The following TRAPPC13 variants were observed in gnomAD, a reference collection of about 807,000 sequenced individuals.
TRAPPC13 encodes REV7-interacting novel NHEJ regulator 1.
A neutral mutation model predicts 54.0 loss-of-function variants in TRAPPC13; 39 were observed. The ratio of observed to expected loss-of-function variants is 0.72; its 90% CI spans 0.56 to 0.94. The LOEUF (loss-of-function observed/expected upper bound fraction) is 0.94. Ranked by LOEUF, TRAPPC13 falls within the 40% of genes least tolerant of loss-of-function variation. The probability of loss-of-function intolerance (pLI) is 0.00; values close to 1 mark genes in which losing one functional copy is unlikely to be tolerated. For missense variants in TRAPPC13, 386 were observed against 488.1 expected (o/e 0.79, Z 1.97); for synonymous variants, 148 against 167.7 (o/e 0.88, Z 0.91).
chr5:65,647,164 A>G lies in TRAPPC13; in HGVS notation c.410A>G (p.Lys137Arg). The G allele has an allele frequency of 6.3e-7, 1 of 1,585,850 alleles. No homozygotes were observed. Reference sequence around the variant, plus strand: ...GATGATGTCATACATCATGAAGTCAAAGAAATTGGAACACACATGTAAGGA... The same window carrying G: ...GATGATGTCATACATCATGAAGTCAGAGAAATTGGAACACACATGTAAGGA... ...CIDDVIHHEV[K>R]EIGTHILVCA... is the part of the protein sequence containing the mutation. Residue 137 changes from lysine (K) to arginine (R), a missense_variant, in exon 5 of 13, where the codon AAA becomes AGA. By Grantham distance (26) the Lys-to-Arg change is conservative (BLOSUM62 2). Coordinates refer to ENST00000399438, the MANE Select transcript of TRAPPC13 (RefSeq NM_024941.4).
At chr5:65,631,970 C>T (rs1755563631) in intron 1 of TRAPPC13, among the ~76,000 whole-genome samples, 1 of 150,450 alleles carries the variant, frequency 6.6e-6, no homozygotes, top group Non-Finnish European at 1.5e-5. Flanking sequence ...TCTCTTTATT[C>T]AGATTTGTTT....
At chr5:65,658,681 CTTG>C (rs1186261786) in intron 9 of TRAPPC13, among the ~76,000 whole-genome samples, 180 bp downstream of exon 9, 2 of 149,764 alleles carry the variant, frequency 1.3e-5, no homozygotes, top group African/African-American at 2.5e-5. Flanking sequence ...CACAGTTTCT[CTTG>C]TTATTTACGT....
rs776098349 is a variant in TRAPPC13, at chr5:65,658,530, C to G, written c.698+29C>G. On this transcript the variant is annotated intron_variant, in intron 9 of 12. Transcript: ENST00000399438. ...AATATTAATTTATGAAGTCTTTATC[C>G]TTGTTTTGAAAGATACATGTTTTTC... 2.2e-5 allele frequency: 32 copies of G among 1,488,206 alleles called. No individual in the cohort carries two copies. The East Asian group carries it at 7.8e-4, about 36-fold the overall frequency. The allele number at this position is 1,488,206 out of a possible 1,614,324, so 92.2% of individuals were successfully genotyped here.
chr5:65,640,352 C>T (rs1298410784), intron 4 of TRAPPC13, among the ~76,000 whole-genome samples: 1 of 152,150 alleles, frequency 6.6e-6, no homozygotes, highest in Admixed American at 6.5e-5. Flanking sequence ...GCCTACACAA[C>T]ATAGCAAGGC....
At chr5:65,635,002 ACTCTTT>A in intron 1 of TRAPPC13, 1 of 859,866 alleles carries the variant, frequency 1.2e-6, no homozygotes, top group Non-Finnish European at 1.4e-6. Context: ...TGCTCCTAAT[ACTCTTT>A]AAGCTTTAAA....
intron 4 of TRAPPC13, among the ~76,000 whole-genome samples, chr5:65,639,083 A>C (rs535746549): frequency 1.3e-5 from 2 of 152,186 alleles, no homozygotes; most frequent in East Asian, 3.9e-4. Context: ...GTAATACTCC[A>C]TCCCCCAAAA....
intron 4 of TRAPPC13, among the ~76,000 whole-genome samples, chr5:65,645,530 C>T (rs776091220): frequency 1.3e-5 from 2 of 152,092 alleles, no homozygotes; most frequent in Admixed American, 6.5e-5. Context: ...TTTAGCAGGG[C>T]GCGGTGGCTA....
chr5:65,656,637 G>T (rs1287081658), intron 8 of TRAPPC13, among the ~76,000 whole-genome samples: 1 of 152,116 alleles, frequency 6.6e-6, no homozygotes, highest in African/African-American at 2.4e-5. Context: ...GCCAGGCGCG[G>T]TGGCTCATGC....
intron 1 of TRAPPC13, among the ~76,000 whole-genome samples, chr5:65,628,231 G>C (rs138405596): frequency 6.6e-6 from 1 of 152,216 alleles, no homozygotes; most frequent in Non-Finnish European, 1.5e-5. Flanking sequence ...TAGGAGTCTA[G>C]ACTTCTTGTT....
Position 65,664,493 on chromosome 5 carries a change from T to TCTCG in TRAPPC13, c.1147-8_1147-7insGCTC, listed in dbSNP as rs765011851. On this transcript the variant is annotated splice_polypyrimidine_tract_variant and intron_variant, in intron 12 of 12. Coordinates refer to ENST00000399438, the MANE Select transcript of TRAPPC13 (RefSeq NM_024941.4). Reference sequence around the variant, plus strand: ...ATGAAAACTTAGACTCATCTCTCTCTCTCTCAATAGAGCATCTCTGGCTTA... The same window carrying TCTCG: ...ATGAAAACTTAGACTCATCTCTCTCTCTCGCTCTCAATAGAGCATCTCTGGCTTA... 7 of 1,604,468 alleles carry TCTCG rather than the reference T, an allele frequency of 4.4e-6. No homozygotes were observed. In the Admixed American group the frequency reaches 1.0e-4, roughly 24 times the overall value.
chr5:65,660,588 T>A, intron 9 of TRAPPC13, 111 bp from the exon 10 acceptor site: 1 of 687,740 alleles, frequency 1.5e-6, no homozygotes, highest in Non-Finnish European at 2.2e-6. Flanking sequence ...CTGTTGTTGA[T>A]CTTTGGAGGG....
chr5:65,639,546 A>G (rs1432387534), intron 4 of TRAPPC13, among the ~76,000 whole-genome samples: 2 of 152,214 alleles, frequency 1.3e-5, no homozygotes, highest in Non-Finnish European at 2.9e-5. Context: ...CTGTAGTCCC[A>G]GCTACTCAGG....
rs1410655875 is a variant in TRAPPC13, at chr5:65,662,068, G to C, written c.916G>C (p.Val306Leu). The C allele has an allele frequency of 6.2e-7, 1 of 1,607,670 alleles. No homozygotes were observed. The highest frequency in any genetic ancestry group is 1.7e-5 in the Admixed American group (1 of 58,864). Residue 306 changes from valine to leucine, a missense_variant, in exon 11 of 13, where the codon GTT (valine) becomes CTT (leucine). Coordinates refer to ENST00000399438, the MANE Select transcript of TRAPPC13 (RefSeq NM_024941.4). ...LQRMAPGYGD[V>L]RLSLEAIPDT... ...TTCTTAGGCTCCAGGTTATGGAGAT[G>C]TTAGGTTGTCTTTGGAGGCAATACC...
chr5:65,654,982 T>C (rs1004373005), intron 7 of TRAPPC13, among the ~76,000 whole-genome samples: 1 of 152,214 alleles, frequency 6.6e-6, no homozygotes, highest in Non-Finnish European at 1.5e-5. Context: ...TAACACATCC[T>C]GGGTACCTAG....
Position 65,651,842 on chromosome 5 carries a change from G to GTTTTTTTT in TRAPPC13, c.502-628_502-621dup, listed in dbSNP as rs762929434. On this transcript the variant is annotated intron_variant, in intron 6 of 12. Coordinates refer to ENST00000399438, the MANE Select transcript of TRAPPC13 (RefSeq NM_024941.4). ...TTGAAAGAAAATAAAACGTGATTCA[G>GTTTTTTTT]TTTTTTTTTTTTTTTTTTTTTTTTT... Among the ~76,000 whole-genome samples, 40 of 41,162 alleles carry GTTTTTTTT rather than the reference G, an allele frequency of 9.7e-4. 8 individuals are homozygous for GTTTTTTTT. The highest frequency in any genetic ancestry group is 3.8e-3 in the East Asian group (4 of 1,054). 27.0% of individuals were successfully genotyped at this position (41,162 alleles called of 152,430 possible).
intron 5 of TRAPPC13, among the ~76,000 whole-genome samples, chr5:65,647,821 C>A (rs1259047366): frequency 2.0e-5 from 3 of 152,130 alleles, no homozygotes; most frequent in Non-Finnish European, 4.4e-5. Context: ...TCTTCTTCAT[C>A]TCTACTTTAC....
chr5:65,660,456 C>T (rs893161361), intron 9 of TRAPPC13, among the ~76,000 whole-genome samples: 5 of 151,390 alleles, frequency 3.3e-5, no homozygotes, highest in Admixed American at 6.6e-5. Flanking sequence ...GGACCCCTGC[C>T]TTTCGGGGTC....
chr5:65,645,215 G>A (rs202217210), intron 4 of TRAPPC13, among the ~76,000 whole-genome samples: 1,027 of 79,994 alleles, frequency 0.013, 2 homozygotes, highest in Middle Eastern at 0.043. Context: ...AAAAAAAAAA[G>A]AATTTTGAAT....
chr5:65,646,746 A>G (rs1003922951), intron 4 of TRAPPC13, among the ~76,000 whole-genome samples: 5 of 152,186 alleles, frequency 3.3e-5, no homozygotes. Context: ...TCCCTCTGCT[A>G]TAGCCCGATT....
Sources: allele counts gnomAD v4.1 joint callset (sites outside exome capture counted in the v4.1 genomes callset), GRCh38; gene constraint gnomAD v4.1.1; transcripts MANE v1.5; gene names NCBI Gene and HGNC (gene_info 2026-07-23, HGNC 2026-07-21).